Variants in HDAC9 observed in about 807,000 individuals in gnomAD.
HDAC9 encodes the protein histone deacetylase 9.
A neutral mutation model predicts 139.4 loss-of-function variants in HDAC9; 41 were observed. That is an observed-to-expected ratio of 0.29 (90% CI 0.23 to 0.38). HDAC9 has a LOEUF of 0.38. Among genes scored for constraint, HDAC9 ranks in the 10% least tolerant of loss-of-function variants. The pLI is 1.00. For synonymous variants in HDAC9, 517 were observed against 476.2 expected, an observed-to-expected ratio of 1.09 and a Z score of -1.12; for missense variants, 1,147 against 1,297.0, an observed-to-expected ratio of 0.88 and a Z score of 1.78.
intron 6 of HDAC9, 28 bp from the exon 7 acceptor site, chr7:18,629,322 A>ATTTTTTTTTTTTTTTTTTTTTTTTTTT: frequency 7.9e-7 from 1 of 1,259,906 alleles, no homozygotes. Flanking sequence ...ATTTTTATCT[A>ATTTTTTTTTTTTTTTTTTTTTTTTTTT]TTTTTTTTTT....
chr7:18,407,164 A>G (rs1057294765), intron 1 of HDAC9, among the ~76,000 whole-genome samples: 1 of 152,082 alleles, frequency 6.6e-6, no homozygotes, highest in African/African-American at 2.4e-5. Flanking sequence ...GATCTTATTT[A>G]TCTCTCAGTC....
chr7:18,425,722 A>G (rs2128755854), intron 1 of HDAC9, among the ~76,000 whole-genome samples: 1 of 152,304 alleles, frequency 6.6e-6, no homozygotes, highest in East Asian at 1.9e-4. Flanking sequence ...ACATTTATAG[A>G]AAAGATTGAG....
At chr7:18,231,815 G>A (rs928556043) in intron 2 of HDAC9, among the ~76,000 whole-genome samples, 2 of 152,076 alleles carry the variant, frequency 1.3e-5, no homozygotes, top group African/African-American at 2.4e-5. Flanking sequence ...ACTTGTATAT[G>A]TTAATTGAAG....
chr7:18,604,491 C>T (rs939458943), intron 6 of HDAC9, among the ~76,000 whole-genome samples: 4 of 151,640 alleles, frequency 2.6e-5, no homozygotes, highest in African/African-American at 9.7e-5. Context: ...ACTGCAAGCT[C>T]TGCCTCCTGG....
intron 6 of HDAC9, among the ~76,000 whole-genome samples, chr7:18,615,715 A>C (rs1486283560): frequency 6.6e-6 from 1 of 152,182 alleles, no homozygotes; most frequent in South Asian, 2.1e-4. Flanking sequence ...AAAATAATGC[A>C]TTAAAAATAC....
At chr7:18,176,897 G>A (rs1178347) in intron 2 of HDAC9, among the ~76,000 whole-genome samples, 14,809 of 152,144 alleles carry the variant, frequency 0.097, 1,229 homozygotes, top group African/African-American at 0.22. Context: ...TTAACAGGTC[G>A]TGGTATGTCA....
intron 12 of HDAC9, among the ~76,000 whole-genome samples, chr7:18,701,318 C>T (rs1783454786): frequency 6.7e-6 from 1 of 150,142 alleles, no homozygotes; most frequent in South Asian, 2.1e-4. Context: ...GTTTTACAAA[C>T]TGTAATCTGA....
At chr7:18,658,067 C>T (rs1791835783) in intron 11 of HDAC9, among the ~76,000 whole-genome samples, 1 of 152,072 alleles carries the variant, frequency 6.6e-6, no homozygotes, top group Non-Finnish European at 1.5e-5. Flanking sequence ...TGGGGTCTGT[C>T]TCAGCTCAAA....
chr7:18,857,693 C>T (rs1321316060), intron 21 of HDAC9, among the ~76,000 whole-genome samples: 1 of 152,018 alleles, frequency 6.6e-6, no homozygotes, highest in African/African-American at 2.4e-5. Context: ...AGGAATCTGT[C>T]CTGACATTAT....
chr7:18,455,761 A>G (rs1793289826), intron 1 of HDAC9, among the ~76,000 whole-genome samples: 1 of 152,100 alleles, frequency 6.6e-6, no homozygotes, highest in South Asian at 2.1e-4. Context: ...CTCCACCATA[A>G]ATTATTGAAA....
intron 22 of HDAC9, among the ~76,000 whole-genome samples, chr7:18,918,891 C>T (rs1803443753): frequency 6.6e-6 from 1 of 152,108 alleles, no homozygotes; most frequent in South Asian, 2.1e-4. Flanking sequence ...TGTTGAGAAT[C>T]ACGGCCTCTC....
intron 1 of HDAC9, among the ~76,000 whole-genome samples, chr7:18,441,140 G>A (rs947729583): frequency 6.6e-6 from 1 of 152,112 alleles, no homozygotes; most frequent in African/African-American, 2.4e-5. Flanking sequence ...GATACTCAAA[G>A]TTCTTTCTTA....
At chr7:18,340,634 T>C (rs1781932530) in intron 1 of HDAC9, among the ~76,000 whole-genome samples, 1 of 151,628 alleles carries the variant, frequency 6.6e-6, no homozygotes, top group African/African-American at 2.4e-5. Context: ...ACGGGAATTT[T>C]ACCAAAAGTG....
intron 12 of HDAC9, among the ~76,000 whole-genome samples, chr7:18,717,245 C>G (rs892533220): frequency 3.9e-5 from 6 of 152,024 alleles, no homozygotes; most frequent in African/African-American, 1.5e-4. Context: ...GAGCATACAC[C>G]TGTTAATCCA....
rs1189668487 is a variant in HDAC9, at chr7:18,301,708, A to G, written c.-42+11193A>G. On this transcript the variant is annotated intron_variant, in intron 1 of 3. Transcript: ENST00000413509. ...TCTTGCTACAGAGACCAAGAGATCAAAATAAATCTGCCCTCAAATGAGAAG... is the reference window on the plus strand; with the variant it reads ...TCTTGCTACAGAGACCAAGAGATCAGAATAAATCTGCCCTCAAATGAGAAG... Among the ~76,000 whole-genome samples, 4 of 152,224 alleles carry G rather than the reference A, an allele frequency of 2.6e-5. No individual in the cohort carries two copies. In the East Asian group the frequency reaches 5.8e-4, roughly 22 times the overall value.
intron 2 of HDAC9, among the ~76,000 whole-genome samples, chr7:18,189,918 GTGGTGTGTGT>G (rs1211073511): frequency 1.4e-5 from 2 of 141,998 alleles, no homozygotes; most frequent in Non-Finnish European, 3.1e-5. Flanking sequence ...TAACTTGTGT[GTGGTGTGTGT>G]GTGTGTGTGT....
At chr7:18,767,675 A>G (rs150380204) in intron 16 of HDAC9, among the ~76,000 whole-genome samples, 174 of 152,264 alleles carry the variant, frequency 1.1e-3, no homozygotes, top group African/African-American at 3.9e-3. Context: ...TTGACTCAAC[A>G]TATTTAGACC....
At chr7:18,242,562 G>A (rs1794256015) in intron 2 of HDAC9, among the ~76,000 whole-genome samples, 1 of 152,082 alleles carries the variant, frequency 6.6e-6, no homozygotes, top group Admixed American at 6.6e-5. Flanking sequence ...TATATTTATA[G>A]CATTATAGCA....
intron 1 of HDAC9, among the ~76,000 whole-genome samples, chr7:18,138,179 A>C (rs188119956): frequency 5.3e-5 from 8 of 151,946 alleles, no homozygotes; most frequent in African/African-American, 1.9e-4. Flanking sequence ...TATTGCATCT[A>C]TTTGATTCTT....
Sources: allele counts gnomAD v4.1 joint callset (sites outside exome capture counted in the v4.1 genomes callset), GRCh38; gene constraint gnomAD v4.1.1; transcripts MANE v1.5; gene names NCBI Gene and HGNC (gene_info 2026-07-23, HGNC 2026-07-21).